Variants in ME2 observed in about 807,000 individuals in gnomAD.
ME2 encodes the protein NAD-dependent malic enzyme, mitochondrial.
ME2 carries 60 observed loss-of-function variants against 73.7 expected under a neutral mutation model. The observed-to-expected ratio is 0.81, with a 90% CI of 0.66 to 1.01. The LOEUF (loss-of-function observed/expected upper bound fraction) is 1.01. ME2 is among the 50% of genes least tolerant of loss of function. The pLI, the probability that ME2 is intolerant of heterozygous loss-of-function variation, is 0.00. For missense variants in ME2, 594 were observed against 705.5 expected (o/e 0.84, Z 1.79); for synonymous variants, 199 against 236.9 (o/e 0.84, Z 1.47).
intron 15 of ME2, among the ~76,000 whole-genome samples, chr18:50,942,998 A>G (rs910975114): frequency 3.3e-5 from 5 of 152,042 alleles, no homozygotes; most frequent in South Asian, 2.1e-4. Flanking sequence ...GACAGAGTCT[A>G]TGTTGCCAAG....
intron 2 of ME2, among the ~76,000 whole-genome samples, chr18:50,899,444 G>A (rs1262661792): frequency 2.6e-5 from 4 of 152,030 alleles, no homozygotes; most frequent in Non-Finnish European, 5.9e-5. Flanking sequence ...GCCTGAACTC[G>A]TCTCTACCAA....
Position 50,954,189 on chromosome 18 carries a change from C to T in ME2, c.*7005C>T, listed in dbSNP as rs937107668. On this transcript the variant is annotated 3_prime_UTR_variant, in exon 16 of 16. Transcript: ENST00000321341. ...CAGAATTATGTGAATTATTTTTTCT[C>T]TGTTGTGATATGTTGTAATGAGATG... is the stretch of plus-strand genomic sequence containing the variant. 44 of 152,128 alleles carry T rather than the reference C, an allele frequency of 2.9e-4. No homozygotes were observed. The highest frequency in any genetic ancestry group is 1.0e-3 in the African/African-American group (43 of 41,432). 9.4% of individuals were successfully genotyped at this position (152,128 alleles called of 1,614,324 possible). A position where few individuals can be genotyped will look rare whatever the true frequency, so the allele number is the denominator to read the frequency against.
chr18:50,927,327 C>G (rs1440106819), intron 12 of ME2, among the ~76,000 whole-genome samples: 1 of 152,038 alleles, frequency 6.6e-6, no homozygotes, highest in Non-Finnish European at 1.5e-5. Context: ...TTTTTTTAAT[C>G]TTCACTCCTT....
chr18:50,909,084 G>C (rs969485089), intron 3 of ME2, among the ~76,000 whole-genome samples: 5 of 151,792 alleles, frequency 3.3e-5, no homozygotes, highest in African/African-American at 1.2e-4. Context: ...CTCTCAAGTA[G>C]CTGGGATTAC....
At position 50,892,398 on chromosome 18, in the gene ME2, G is replaced by C. The variant is rs117528281; in HGVS notation, c.-12-3411G>C. Among the ~76,000 whole-genome samples the C allele has an allele frequency of 4.1e-3, 621 of 152,280 alleles. 10 individuals are homozygous for C. The East Asian group carries it at 0.065, about 16-fold the overall frequency. On this transcript the variant is annotated intron_variant, in intron 1 of 15. Coordinates refer to ENST00000321341, the MANE Select transcript of ME2 (RefSeq NM_002396.5). ...CTAAAAAAATAAAAATGTAAGCTCT[G>C]TAAATATTCTTGGAATTTTTGTTGG...
chr18:50,885,479 C>G (rs1220311056), intron 1 of ME2, among the ~76,000 whole-genome samples: 3 of 151,900 alleles, frequency 2.0e-5, no homozygotes, highest in Non-Finnish European at 1.5e-5. Flanking sequence ...GATTATACAA[C>G]TGTATTCCAG....
At chr18:50,946,305 C>G (rs188429289) in intron 15 of ME2, among the ~76,000 whole-genome samples, 41 of 152,126 alleles carry the variant, frequency 2.7e-4, no homozygotes, top group Non-Finnish European at 5.0e-4. Flanking sequence ...CTCAAGCCAC[C>G]TTTGGTGGGG....
At chr18:50,881,805 A>G (rs1326741089) in intron 1 of ME2, among the ~76,000 whole-genome samples, 1 of 152,232 alleles carries the variant, frequency 6.6e-6, no homozygotes, top group Non-Finnish European at 1.5e-5. Context: ...GCTTATGATA[A>G]CTAGCCTTTC....
At chr18:50,941,219 C>T (rs1320889053) in intron 15 of ME2, among the ~76,000 whole-genome samples, 17 of 142,476 alleles carry the variant, frequency 1.2e-4, no homozygotes, top group African/African-American at 4.5e-4. Flanking sequence ...TGAGATCGTG[C>T]CATTGCACTC....
chr18:50,886,167 T>TAAA (rs137914150), intron 1 of ME2, among the ~76,000 whole-genome samples: 70,909 of 148,656 alleles, frequency 0.48, 18,058 homozygotes, highest in South Asian at 0.68. Flanking sequence ...ATTTAAAATT[T>TAAA]AAAAAAAAAG....
rs940274697 is a variant in ME2, at chr18:50,952,498, G to A, written c.*5314G>A. The A allele has an allele frequency of 2.6e-5, 4 of 152,162 alleles. No individual in the cohort carries two copies. The highest frequency in any genetic ancestry group is 2.0e-4 in the Admixed American group (3 of 15,270). The allele number at this position is 152,162 out of a possible 1,614,324, so 9.4% of individuals were successfully genotyped here. A position where few individuals can be genotyped will look rare whatever the true frequency, so the allele number is the denominator to read the frequency against. On this transcript the variant is annotated 3_prime_UTR_variant, in exon 16 of 16. Coordinates refer to ENST00000321341, the MANE Select transcript of ME2 (RefSeq NM_002396.5). ...CAGTTGCATAAAATAGACACATTAA[G>A]TCAAGTGATTTGAATGCTTAGTGTC...
intron 12 of ME2, among the ~76,000 whole-genome samples, chr18:50,929,454 C>T (rs1367206414): frequency 6.7e-6 from 1 of 148,766 alleles, no homozygotes; most frequent in African/African-American, 2.5e-5. Flanking sequence ...TGCCACTGCA[C>T]TCCAGCCTGG....
chr18:50,885,076 G>C (rs367736212), intron 1 of ME2, among the ~76,000 whole-genome samples: 1 of 151,668 alleles, frequency 6.6e-6, no homozygotes, highest in African/African-American at 2.4e-5. Flanking sequence ...GTCTGATCCC[G>C]AACTCCTGGT....
intron 10 of ME2, among the ~76,000 whole-genome samples, chr18:50,923,375 C>A (rs746582248): frequency 3.0e-4 from 45 of 152,148 alleles, no homozygotes; most frequent in Non-Finnish European, 5.1e-4. Context: ...TGTGACTATT[C>A]ATAAGTTTGT....
At chr18:50,898,166 T>A (rs906111394) in intron 2 of ME2, among the ~76,000 whole-genome samples, 1 of 152,224 alleles carries the variant, frequency 6.6e-6, no homozygotes, top group Non-Finnish European at 1.5e-5. Flanking sequence ...CTGCTGTAAT[T>A]AATAAAATAG....
At chr18:50,937,958 T>C (rs1006097509) in intron 13 of ME2, among the ~76,000 whole-genome samples, 6 of 152,180 alleles carry the variant, frequency 3.9e-5, no homozygotes, top group Non-Finnish European at 2.9e-5. Flanking sequence ...GCCTACTCAC[T>C]GAATGCTAAA....
At chr18:50,923,994 A>G in intron 10 of ME2, 104 bp from the exon 11 acceptor site, 1 of 667,484 alleles carries the variant, frequency 1.5e-6, no homozygotes, top group South Asian at 2.4e-5. Context: ...AAATGAAAAG[A>G]CATTTCTATT....
At position 50,927,751 on chromosome 18, in the gene ME2, T is replaced by TATATATATATAC. The variant is rs1316314513; in HGVS notation, c.1314+1854_1314+1855insTATATATATACA. ...ATATATATATATATATATATATATA[T>TATATATATATAC]ACACACCACAGTACTGTTATACCTC... On this transcript the variant is annotated intron_variant, in intron 12 of 15. Coordinates refer to ENST00000321341, the MANE Select transcript of ME2 (RefSeq NM_002396.5). Among the ~76,000 whole-genome samples the TATATATATATAC allele has an allele frequency of 1.5e-3, 188 of 123,242 alleles. 1 individual carries two copies. The highest frequency in any genetic ancestry group is 4.4e-3 in the African/African-American group (130 of 29,882). 80.9% of individuals were successfully genotyped at this position (123,242 alleles called of 152,430 possible).
intron 4 of ME2, among the ~76,000 whole-genome samples, chr18:50,913,980 T>C (rs565358740): frequency 1.8e-4 from 28 of 152,204 alleles, no homozygotes; most frequent in African/African-American, 6.7e-4. Context: ...CCATGCCCAA[T>C]TAACACATTC....
Sources: allele counts gnomAD v4.1 joint callset (sites outside exome capture counted in the v4.1 genomes callset), GRCh38; gene constraint gnomAD v4.1.1; transcripts MANE v1.5; gene names NCBI Gene and HGNC (gene_info 2026-07-23, HGNC 2026-07-21).